Variants in ETV4 observed in about 807,000 individuals in gnomAD.
The protein encoded by ETV4 is ETS translocation variant 4.
Under a neutral mutation model 65.9 loss-of-function variants are expected in ETV4, and 42 were observed. The observed-to-expected ratio is 0.64, with a 90% CI of 0.50 to 0.82. The LOEUF is 0.82. Ranked by LOEUF, ETV4 falls within the 40% of genes least tolerant of loss-of-function variation. ETV4 has a pLI of 0.00. For synonymous variants in ETV4, 238 were observed against 260.0 expected (o/e 0.92, Z 0.81); for missense variants, 583 against 630.3 (o/e 0.92, Z 0.80).
intron 4 of ETV4, among the ~76,000 whole-genome samples, chr17:43,538,753 G>A (rs1971369699): frequency 6.6e-6 from 1 of 152,160 alleles, no homozygotes; most frequent in Non-Finnish European, 1.5e-5. Flanking sequence ...ATTCCAGGAA[G>A]AGAGTGGTTC....
At chr17:43,535,452 A>T (rs980601261) in intron 5 of ETV4, among the ~76,000 whole-genome samples, 1 of 151,846 alleles carries the variant, frequency 6.6e-6, no homozygotes, top group African/African-American at 2.4e-5. Flanking sequence ...TAATTTTTGT[A>T]TTTTAGTAAA....
chr17:43,541,479 A>G (rs1483761647), intron 4 of ETV4, among the ~76,000 whole-genome samples: 1 of 152,082 alleles, frequency 6.6e-6, no homozygotes, highest in Non-Finnish European at 1.5e-5. Context: ...GTGCCAAGAC[A>G]GCATAATGCC....
chr17:43,542,526 G>A (rs1176973542), intron 4 of ETV4, among the ~76,000 whole-genome samples: 2 of 152,074 alleles, frequency 1.3e-5, no homozygotes, highest in Admixed American at 1.3e-4. Context: ...TCTCCCTGTA[G>A]CAGCCTGATT....
chr17:43,529,412 A>G (rs1970766571), intron 11 of ETV4, 92 bp downstream of exon 11: 1 of 1,477,762 alleles, frequency 6.8e-7, no homozygotes. Context: ...AGCAAGAATC[A>G]TGATGGAGGC....
In ETV4 at chr17:43,545,934, CGTGTGTGT is replaced by C. The variant is rs531139204; in HGVS notation, c.-52+243_-52+250del. ...TTACCCGGGCTCGGTTACATAAGAACGTGTGTGTGTGTGTGTGTGTGTGTGTGTGTGTG... is the reference window on the plus strand; with the variant it reads ...TTACCCGGGCTCGGTTACATAAGAACGTGTGTGTGTGTGTGTGTGTGTGTG... On this transcript the variant is annotated intron_variant, in intron 1 of 12. Transcript: ENST00000319349. 2,249 of 263,302 alleles carry C rather than the reference CGTGTGTGT, an allele frequency of 8.5e-3. 30 individuals are homozygous for C. The highest frequency in any genetic ancestry group is 0.034 in the African/African-American group (1,292 of 38,028). The allele number at this position is 263,302 out of a possible 1,614,324, so 16.3% of individuals were successfully genotyped here.
chr17:43,543,276 A>ACTCTCTCTCTCTCTCTCTCT (rs60214474), intron 4 of ETV4, among the ~76,000 whole-genome samples: 6 of 138,258 alleles, frequency 4.3e-5, no homozygotes, highest in African/African-American at 1.6e-4. Flanking sequence ...ACACACACAC[A>ACTCTCTCTCTCTCTCTCTCT]CTCTCTCTCT....
At chr17:43,533,760 A>C in intron 6 of ETV4, 99 bp downstream of exon 6, 1 of 1,461,130 alleles carries the variant, frequency 6.8e-7, no homozygotes, top group African/African-American at 1.4e-5. Flanking sequence ...TCTGTTGTCT[A>C]ACTTGCATCT....
At position 43,545,353 on chromosome 17, in the gene ETV4, A is replaced by G. The variant is rs759454765; in HGVS notation, c.75T>C (p.Asn25=). The G allele has an allele frequency of 6.9e-6, 11 of 1,600,016 alleles. No homozygotes were observed. In the East Asian group the frequency reaches 2.3e-4, roughly 33 times the overall value. The change falls in exon 3 of 13, where the codon AAT becomes AAC. Residue 25 remains asparagine, a synonymous_variant. Coordinates refer to ENST00000319349, the MANE Select transcript of ETV4 (RefSeq NM_001079675.5). ...CGATCAGCGCTTCGCGCAAGCTCCCATTTCCGGGCGATTTCTGCGAGAAGC... is the reference window on the plus strand; with the variant it reads ...CGATCAGCGCTTCGCGCAAGCTCCCGTTTCCGGGCGATTTCTGCGAGAAGC... ...PYTFSSKSPG[N]GSLREALIGP... is the part of the protein sequence containing the mutation.
chr17:43,545,245 G>A (rs1168520609), intron 3 of ETV4, 29 bp downstream of exon 3: 2 of 1,235,142 alleles, frequency 1.6e-6, no homozygotes, highest in Non-Finnish European at 2.3e-6. Context: ...GGCGGAGGAG[G>A]GTCGCGGTTT....
At chr17:43,534,032 GA>G in intron 5 of ETV4, 47 bp from the exon 6 acceptor site, 1 of 1,458,068 alleles carries the variant, frequency 6.9e-7, no homozygotes, top group Non-Finnish European at 9.0e-7. Context: ...TGTCACACAA[GA>G]GGCAGGCAGG....
chr17:43,540,202 C>T (rs1971452648), intron 4 of ETV4, among the ~76,000 whole-genome samples: 1 of 152,192 alleles, frequency 6.6e-6, no homozygotes, highest in African/African-American at 2.4e-5. Flanking sequence ...CCTGTAATCC[C>T]AGCACTTTGG....
At chr17:43,541,456 G>A (rs1296466982) in intron 4 of ETV4, among the ~76,000 whole-genome samples, 3 of 152,180 alleles carry the variant, frequency 2.0e-5, no homozygotes, top group Non-Finnish European at 4.4e-5. Flanking sequence ...TGATTAAGGA[G>A]GGGGTGGGAA....
In ETV4 at chr17:43,532,944, A is replaced by C; in HGVS notation, c.546-5T>G. ...AGGGGCTGCTGGAAGACGGAGCTGGATGTGGTTGGATGGAGAAGGAAGAGA... is the reference window on the plus strand; with the variant it reads ...AGGGGCTGCTGGAAGACGGAGCTGGCTGTGGTTGGATGGAGAAGGAAGAGA... On this transcript the variant is annotated splice_polypyrimidine_tract_variant and splice_region_variant and intron_variant, in intron 7 of 12. Coordinates refer to ENST00000319349, the MANE Select transcript of ETV4 (RefSeq NM_001079675.5). The C allele has an allele frequency of 1.3e-6, 2 of 1,556,558 alleles. No homozygotes were observed. The highest frequency in any genetic ancestry group is 1.7e-6 in the Non-Finnish European group (2 of 1,151,490).
At chr17:43,535,503 C>G (rs1054541767) in intron 5 of ETV4, among the ~76,000 whole-genome samples, 1 of 152,186 alleles carries the variant, frequency 6.6e-6, no homozygotes, top group Non-Finnish European at 1.5e-5. Context: ...TCTCAAACTC[C>G]TGACCTCATG....
At chr17:43,540,448 G>A (rs1453117308) in intron 4 of ETV4, among the ~76,000 whole-genome samples, 1 of 152,174 alleles carries the variant, frequency 6.6e-6, no homozygotes, top group Non-Finnish European at 1.5e-5. Context: ...GTGAGACCCT[G>A]TCTCAAATAA....
chr17:43,528,559 G>GGGCC lies in ETV4; in HGVS notation c.1411_1414dup (p.Pro472ArgfsTer44). 6.2e-7 allele frequency: 1 copy of GGGCC among 1,613,470 alleles called. No homozygotes were observed. Among genetic ancestry groups the GGGCC allele is most frequent in the East Asian group, 2.2e-5 (1 of 44,866 alleles). ...ACCCTTGGGGCCAAATGGCTGGGCG[G>GGGCC]GGCCAGCCAGCTCTGGGAGGTAGGC... On this transcript the variant is annotated frameshift_variant, in exon 13 of 13. Coordinates refer to ENST00000319349, the MANE Select transcript of ETV4 (RefSeq NM_001079675.5). LOFTEE classifies it high-confidence loss of function.
intron 5 of ETV4, chr17:43,536,200 A>G (rs1971235575): frequency 1.8e-6 from 1 of 565,902 alleles, no homozygotes; most frequent in Non-Finnish European, 3.2e-6. Flanking sequence ...ATATAAGGCA[A>G]TGGAGAACCA....
Position 43,532,659 on chromosome 17 carries a change from A to G in ETV4, c.811+15T>C. On this transcript the variant is annotated intron_variant, in intron 8 of 12. Coordinates refer to ENST00000319349, the MANE Select transcript of ETV4 (RefSeq NM_001079675.5). The stretch of plus-strand genomic sequence containing the variant: ...ACTTGATCACATGCCACCCTGCCCC[A>G]CCCCAGTCTCTTACCTGAGTCGTAG... 6.2e-7 allele frequency: 1 copy of G among 1,604,396 alleles called. No homozygotes were observed. Among genetic ancestry groups the G allele is most frequent in the Non-Finnish European group, 8.5e-7 (1 of 1,173,234 alleles).
At chr17:43,543,276 A>ACTCTCCCTCTCTCTCTCTCT (rs138989101) in intron 4 of ETV4, among the ~76,000 whole-genome samples, 16 of 138,130 alleles carry the variant, frequency 1.2e-4, no homozygotes, top group East Asian at 4.5e-4. Context: ...ACACACACAC[A>ACTCTCCCTCTCTCTCTCTCT]CTCTCTCTCT....
Sources: gnomAD v4.1 joint callset for allele counts (sites outside exome capture counted in the v4.1 genomes callset) on GRCh38, gnomAD v4.1.1 for gene constraint, MANE v1.5 for transcripts, NCBI Gene and HGNC (gene_info 2026-07-23, HGNC 2026-07-21) for gene names.